The following DLGAP4 variants were observed in gnomAD, a reference collection of about 807,000 sequenced individuals.
DLGAP4 encodes DLG associated protein 4.
Under a neutral mutation model 86.9 loss-of-function variants are expected in DLGAP4, and 18 were observed. The observed-to-expected ratio is 0.21, with a 90% CI of 0.14 to 0.31. DLGAP4 has a LOEUF of 0.31. Among genes scored for constraint, DLGAP4 ranks in the 10% least tolerant of loss-of-function variants. The probability of loss-of-function intolerance (pLI) is 1.00; values close to 1 mark genes in which losing one functional copy is unlikely to be tolerated. For synonymous variants in DLGAP4, 548 were observed against 574.3 expected, an observed-to-expected ratio of 0.95 and a Z score of 0.65; for missense variants, 1,085 against 1,362.6, an observed-to-expected ratio of 0.80 and a Z score of 3.21.
chr20:36,524,287 G>A lies in DLGAP4; in HGVS notation c.2550G>A (p.Gln850=). Residue 850 remains glutamine (Q), a synonymous_variant, in exon 11 of 13, where the codon CAG becomes CAA. Coordinates refer to ENST00000339266, the MANE Select transcript of DLGAP4 (RefSeq NM_001365621.2). The part of the protein sequence containing the change: ...GKVLSAVGSA[Q]LLMSQKFQQF... ...TCCTCAGTGCTGTGGGCAGTGCCCA[G>A]CTACTGATGTCCCAGAAATTCCAGC... 1 of 1,614,080 alleles carries A rather than the reference G, an allele frequency of 6.2e-7. No homozygotes were observed. Among genetic ancestry groups the A allele is most frequent in the Non-Finnish European group, 8.5e-7 (1 of 1,180,014 alleles).
At chr20:36,408,749 A>T (rs2032398586) in intron 2 of DLGAP4, among the ~76,000 whole-genome samples, 1 of 152,246 alleles carries the variant, frequency 6.6e-6, no homozygotes, top group African/African-American at 2.4e-5. Context: ...ATTTTAAAAT[A>T]AAGTTTTGCA....
chr20:36,399,057 G>C (rs992133828), intron 2 of DLGAP4, among the ~76,000 whole-genome samples: 6 of 152,280 alleles, frequency 3.9e-5, no homozygotes, highest in Admixed American at 2.6e-4. Flanking sequence ...GCTAGGCATG[G>C]TGGTGCATAT....
chr20:36,518,080 C>G (rs1416581195), intron 10 of DLGAP4, among the ~76,000 whole-genome samples: 1 of 152,050 alleles, frequency 6.6e-6, no homozygotes, highest in Non-Finnish European at 1.5e-5. Flanking sequence ...ATTAGCTGGG[C>G]ATGATGGCGG....
chr20:36,461,839 C>G (rs1036664447), intron 7 of DLGAP4: 1 of 983,132 alleles, frequency 1.0e-6, no homozygotes, highest in African/African-American at 1.8e-5. Context: ...TGTCTCTCCC[C>G]GGCTCGCTGT....
chr20:36,526,076 C>T (rs1353413056), intron 12 of DLGAP4, 70 bp downstream of exon 12: 12 of 1,604,156 alleles, frequency 7.5e-6, no homozygotes, highest in South Asian at 2.2e-5. Context: ...CTGCCCACAT[C>T]GGTCAGTGCT....
intron 2 of DLGAP4, among the ~76,000 whole-genome samples, chr20:36,427,032 G>T (rs1020084169): frequency 2.0e-5 from 3 of 151,202 alleles, no homozygotes; most frequent in African/African-American, 7.3e-5. Flanking sequence ...AAAAAAAAAT[G>T]TTTTTTCTAA....
At chr20:36,426,190 G>A (rs567271679) in intron 2 of DLGAP4, among the ~76,000 whole-genome samples, 1 of 152,270 alleles carries the variant, frequency 6.6e-6, no homozygotes, top group African/African-American at 2.4e-5. Context: ...TTTAGCATAG[G>A]CAAATTCAGA....
rs1259105182 is a variant in DLGAP4 at position 36,393,874 on chromosome 20, C to A, written c.-73+26599C>A. Among the ~76,000 whole-genome samples the A allele has an allele frequency of 6.6e-6, 1 of 152,116 alleles. No homozygotes were observed. Among genetic ancestry groups the A allele is most frequent in the Non-Finnish European group, 1.5e-5 (1 of 67,992 alleles). ...AACCCTAGCCTGTGTCTCGGCCAGC[C>A]CTGAGGCAGCTGAGGAGGGGGCTCA... On this transcript the variant is annotated intron_variant, in intron 2 of 12. Transcript: ENST00000339266. This position sits in a 1 kb window ranked among gnomAD's most constrained non-coding sequence, Gnocchi z 4.4.
chr20:36,438,703 CTTTTT>C (rs35909803), intron 4 of DLGAP4, among the ~76,000 whole-genome samples: 1 of 69,528 alleles, frequency 1.4e-5, no homozygotes, highest in Admixed American at 1.9e-4. Flanking sequence ...GTTTCCCCAT[CTTTTT>C]TTTTTTTTTT....
chr20:36,396,122 C>T (rs1301493007), intron 2 of DLGAP4, among the ~76,000 whole-genome samples: 5 of 152,008 alleles, frequency 3.3e-5, no homozygotes, highest in Non-Finnish European at 4.4e-5. Flanking sequence ...GAGGGAAGCA[C>T]CACCTCCGGA....
chr20:36,360,578 G>A (rs1033804812), intron 1 of DLGAP4, among the ~76,000 whole-genome samples: 9 of 152,148 alleles, frequency 5.9e-5, no homozygotes, highest in Non-Finnish European at 1.3e-4. Flanking sequence ...TGGGGCGTCA[G>A]GGCCATGGCG....
chr20:36,426,104 AAAAC>A (rs1569495204), intron 2 of DLGAP4, among the ~76,000 whole-genome samples: 2 of 152,254 alleles, frequency 1.3e-5, no homozygotes. Context: ...GTGAACTTAG[AAAAC>A]AAACATTATG....
chr20:36,380,847 G>A (rs1046332216), intron 2 of DLGAP4, among the ~76,000 whole-genome samples: 15 of 152,144 alleles, frequency 9.9e-5, no homozygotes, highest in Non-Finnish European at 1.8e-4. Flanking sequence ...TGCATGCTTC[G>A]CGAGTTTCCT....
chr20:36,528,439 G>C lies in DLGAP4; in HGVS notation c.*1408G>C, dbSNP rs62988560. 9.0e-6 allele frequency: 1 copy of C among 110,680 alleles called. No individual in the cohort carries two copies. The highest frequency in any genetic ancestry group is 4.1e-5 in the African/African-American group (1 of 24,276). The allele number at this position is 110,680 out of a possible 1,614,324, so 6.9% of individuals were successfully genotyped here. On this transcript the variant is annotated 3_prime_UTR_variant, in exon 13 of 13. Transcript: ENST00000339266. ...ATCCTCTTGGCTGGCGCTTGCTGCA[G>C]GGGGGGACCCCCCCCCGTCCCCAGG...
chr20:36,494,984 G>GTTTTTTTTTTTTTTTTTTT (rs752411826), intron 7 of DLGAP4, among the ~76,000 whole-genome samples: 2 of 75,390 alleles, frequency 2.7e-5, no homozygotes, highest in Non-Finnish European at 4.6e-5. Flanking sequence ...TTTTTGTTCG[G>GTTTTTTTTTTTTTTTTTTT]TTTTTTTTTT....
chr20:36,337,684 T>C (rs1019348049), intron 1 of DLGAP4, among the ~76,000 whole-genome samples: 1 of 152,134 alleles, frequency 6.6e-6, no homozygotes, highest in Non-Finnish European at 1.5e-5. Context: ...AAGCGGGTGC[T>C]TCCCCCCCAG....
intron 2 of DLGAP4, among the ~76,000 whole-genome samples, chr20:36,416,161 G>A (rs1351780950): frequency 4.6e-5 from 7 of 151,994 alleles, no homozygotes; most frequent in South Asian, 2.1e-4. Flanking sequence ...TTGCTTTGTC[G>A]CCCAGGCTGG....
chr20:36,515,293 A>ATC (rs976159155), intron 10 of DLGAP4, among the ~76,000 whole-genome samples: 3 of 152,112 alleles, frequency 2.0e-5, no homozygotes, highest in Admixed American at 2.0e-4. Flanking sequence ...GTTTTTCAGA[A>ATC]TCTCTGTTTG....
chr20:36,344,190 ATC>A (rs1294355884), intron 1 of DLGAP4, among the ~76,000 whole-genome samples: 1 of 152,076 alleles, frequency 6.6e-6, no homozygotes, highest in Non-Finnish European at 1.5e-5. Context: ...CCTGGTCTGA[ATC>A]TCTGCTCCCG....
Sources: gnomAD v4.1 joint callset for allele counts (sites outside exome capture counted in the v4.1 genomes callset) on GRCh38, gnomAD v4.1.1 for gene constraint, Gnocchi (gnomAD v3.1) non-coding constraint, MANE v1.5 for transcripts, NCBI Gene and HGNC (gene_info 2026-07-23, HGNC 2026-07-21) for gene names.